TMC1: variants seen among roughly 807,000 people sequenced by gnomAD.
TMC1 encodes the protein transmembrane channel like 1, also known as transmembrane channel-like protein 1.
In TMC1, 84 loss-of-function variants were observed where a neutral mutation model predicts 105.8. The observed-to-expected ratio is 0.79, with a 90% CI of 0.67 to 0.95. The LOEUF is 0.95. Ranked by LOEUF, TMC1 falls within the 40% of genes least tolerant of loss-of-function variation. The pLI is 0.00. For synonymous variants in TMC1, 315 were observed against 311.5 expected (o/e 1.01, Z -0.12); for missense variants, 817 against 914.1 (o/e 0.89, Z 1.37).
intron 9 of TMC1, 79 bp from the exon 10 acceptor site, chr9:72,742,365 T>C (rs1827404287): frequency 9.2e-7 from 1 of 1,087,344 alleles, no homozygotes; most frequent in African/African-American, 1.5e-5. Flanking sequence ...TACTGCATTG[T>C]AATGTTTTGA....
intron 2 of TMC1, among the ~76,000 whole-genome samples, chr9:72,610,001 C>T (rs1824997371): frequency 6.6e-6 from 1 of 152,128 alleles, no homozygotes; most frequent in Non-Finnish European, 1.5e-5. Context: ...TTTTGTTACA[C>T]ATCTATTGAC....
intron 3 of TMC1, among the ~76,000 whole-genome samples, chr9:72,623,715 T>G (rs987881003): frequency 1.3e-5 from 2 of 152,106 alleles, no homozygotes; most frequent in Non-Finnish European, 2.9e-5. Context: ...ATCATGAAGG[T>G]AATTTCCCAG....
chr9:72,767,508 T>C (rs1827859113), intron 12 of TMC1, among the ~76,000 whole-genome samples: 1 of 152,210 alleles, frequency 6.6e-6, no homozygotes, highest in South Asian at 2.1e-4. Context: ...AATCCATCTA[T>C]GTATATTGGG....
chr9:72,598,429 T>A (rs1364231945), intron 2 of TMC1, among the ~76,000 whole-genome samples: 2 of 152,290 alleles, frequency 1.3e-5, no homozygotes, highest in Admixed American at 1.3e-4. Context: ...TCAGCTTTGA[T>A]TCAAAGTAAG....
intron 5 of TMC1, among the ~76,000 whole-genome samples, chr9:72,665,336 C>A (rs1294968345): frequency 6.6e-6 from 1 of 152,086 alleles, no homozygotes; most frequent in Non-Finnish European, 1.5e-5. Context: ...TAGTCTAGGT[C>A]CCCACTCCTT....
chr9:72,601,508 A>C (rs575763057), intron 2 of TMC1, among the ~76,000 whole-genome samples: 1 of 152,120 alleles, frequency 6.6e-6, no homozygotes, highest in African/African-American at 2.4e-5. Flanking sequence ...GCTGGGCAGT[A>C]GTGGTGGGCG....
chr9:72,816,074 G>A, intron 18 of TMC1, 69 bp from the exon 19 acceptor site: 1 of 1,405,790 alleles, frequency 7.1e-7, no homozygotes, highest in Non-Finnish European at 1.0e-6. Context: ...CCATGCCTAT[G>A]CAGAACAATT....
At chr9:72,702,738 G>T (rs1490304568) in intron 8 of TMC1, among the ~76,000 whole-genome samples, 2 of 151,990 alleles carry the variant, frequency 1.3e-5, no homozygotes, top group South Asian at 4.2e-4. Context: ...ACAGAAGGAA[G>T]TAAGGCATTT....
chr9:72,632,267 T>C (rs966260988), intron 4 of TMC1, among the ~76,000 whole-genome samples: 5 of 152,096 alleles, frequency 3.3e-5, no homozygotes, highest in Non-Finnish European at 5.9e-5. Flanking sequence ...GAGTAAGAAC[T>C]CACTTATCAT....
chr9:72,622,609 T>G (rs1227559976), intron 3 of TMC1, among the ~76,000 whole-genome samples: 1 of 152,206 alleles, frequency 6.6e-6, no homozygotes, highest in Non-Finnish European at 1.5e-5. Context: ...ATAGTTTTTG[T>G]CTTCCACTTG....
chr9:72,756,162 C>G (rs1827673761), intron 12 of TMC1, among the ~76,000 whole-genome samples: 1 of 152,176 alleles, frequency 6.6e-6, no homozygotes, highest in Non-Finnish European at 1.5e-5. Flanking sequence ...GTTGGACTTT[C>G]CATTTCAATT....
At chr9:72,576,035 T>G (rs1410123888) in intron 1 of TMC1, among the ~76,000 whole-genome samples, 4 of 152,252 alleles carry the variant, frequency 2.6e-5, no homozygotes, top group African/African-American at 9.6e-5. Flanking sequence ...TTGATGGTAA[T>G]GTCTGCAGAA....
chr9:72,569,185 G>T (rs983034333), intron 1 of TMC1, among the ~76,000 whole-genome samples: 3 of 152,176 alleles, frequency 2.0e-5, no homozygotes, highest in South Asian at 4.1e-4. Flanking sequence ...ATCATCTTTA[G>T]ATTACTTATA....
intron 12 of TMC1, among the ~76,000 whole-genome samples, chr9:72,766,349 G>A (rs564819838): frequency 2.6e-5 from 4 of 151,762 alleles, no homozygotes; most frequent in Admixed American, 6.6e-5. Context: ...CCCAGGAGGC[G>A]GAGCTTGCAG....
chr9:72,786,498 A>G (rs1588082718), intron 13 of TMC1, among the ~76,000 whole-genome samples: 1 of 152,176 alleles, frequency 6.6e-6, no homozygotes, highest in East Asian at 1.9e-4. Flanking sequence ...CACCTTAGGC[A>G]ACAACATATA....
chr9:72,758,440 A>T (rs948042773), intron 12 of TMC1, among the ~76,000 whole-genome samples: 1 of 152,242 alleles, frequency 6.6e-6, no homozygotes, highest in African/African-American at 2.4e-5. Flanking sequence ...CACAGTAAAA[A>T]TCCAAAAGAA....
At chr9:72,827,195 G>C (rs1201076067) in intron 21 of TMC1, among the ~76,000 whole-genome samples, 1 of 152,186 alleles carries the variant, frequency 6.6e-6, no homozygotes, top group Non-Finnish European at 1.5e-5. Context: ...ACAGGCATCT[G>C]CATCTGTCTT....
At chr9:72,528,625 C>T (rs1823446581) in intron 1 of TMC1, among the ~76,000 whole-genome samples, 1 of 152,142 alleles carries the variant, frequency 6.6e-6, no homozygotes, top group African/African-American at 2.4e-5. Flanking sequence ...TGAGCCACTG[C>T]ACCTGGCCAA....
intron 20 of TMC1, among the ~76,000 whole-genome samples, chr9:72,826,225 C>T (rs1248339276): frequency 6.6e-6 from 1 of 152,108 alleles, no homozygotes; most frequent in African/African-American, 2.4e-5. Flanking sequence ...GTCAAGACAT[C>T]CTGTTCTCAG....
Sources: allele counts gnomAD v4.1 joint callset (sites outside exome capture counted in the v4.1 genomes callset), GRCh38; gene constraint gnomAD v4.1.1; transcripts MANE v1.5; gene names NCBI Gene and HGNC (gene_info 2026-07-23, HGNC 2026-07-21).